PREX1: variants seen among roughly 807,000 people sequenced by gnomAD.
PREX1 encodes phosphatidylinositol-3,4,5-trisphosphate dependent Rac exchange factor 1, also known as phosphatidylinositol 3,4,5-trisphosphate-dependent Rac exchanger 1 protein.
A neutral mutation model predicts 198.3 loss-of-function variants in PREX1; 41 were observed. The ratio of observed to expected loss-of-function variants is 0.21; its 90% CI spans 0.16 to 0.27. The LOEUF is 0.27. PREX1 is among the 10% of genes least tolerant of loss of function. The pLI is 1.00. For synonymous variants in PREX1, 843 were observed against 887.2 expected, an observed-to-expected ratio of 0.95 and a Z score of 0.89; for missense variants, 1,620 against 2,200.7, an observed-to-expected ratio of 0.74 and a Z score of 5.28.
chr20:48,756,088 A>T lies in PREX1; in HGVS notation c.220-8208T>A, dbSNP rs1166637113. Among the ~76,000 whole-genome samples the T allele has an allele frequency of 2.6e-5, 4 of 152,282 alleles. No homozygotes were observed. In the East Asian group the frequency reaches 7.7e-4, roughly 29 times the overall value. On this transcript the variant is annotated intron_variant, in intron 1 of 39. Coordinates refer to ENST00000371941, the MANE Select transcript of PREX1 (RefSeq NM_020820.4). ...TGGGGAACAGAGCAGCGGCAAGGCA[A>T]ATATGAGATGGAAAGATTTACCTTC...
intron 15 of PREX1, among the ~76,000 whole-genome samples, chr20:48,661,626 A>T (rs2089597378): frequency 6.7e-6 from 1 of 149,266 alleles, no homozygotes; most frequent in South Asian, 2.1e-4. Flanking sequence ...ACCAGTATCA[A>T]CCAATTGGTG....
the PREX1 span, among the ~76,000 whole-genome samples, chr20:48,844,148 A>G: frequency 2.0e-5 from 3 of 151,974 alleles, no homozygotes; most frequent in African/African-American, 7.3e-5. Context: ...TCAAAAAAAA[A>G]TCTAGTAGCT....
intron 1 of PREX1, among the ~76,000 whole-genome samples, chr20:48,821,286 A>G (rs142092790): frequency 0.041 from 6,269 of 152,228 alleles, 162 homozygotes; most frequent in Non-Finnish European, 0.06. Context: ...CTTCCCAGGT[A>G]TCTGGGGATG....
chr20:48,673,058 G>A (rs780215251), intron 14 of PREX1, among the ~76,000 whole-genome samples: 3 of 151,562 alleles, frequency 2.0e-5, no homozygotes, highest in African/African-American at 4.9e-5. Context: ...TAATGAGCTC[G>A]CTTGTCTAAC....
intron 1 of PREX1, among the ~76,000 whole-genome samples, chr20:48,748,454 C>T (rs144177073): frequency 4.2e-4 from 63 of 151,732 alleles, no homozygotes; most frequent in Non-Finnish European, 7.7e-4. Flanking sequence ...CAAAAACAAA[C>T]ACACACACAT....
chr20:48,655,450 C>G lies in PREX1; in HGVS notation c.2124-75G>C, dbSNP rs977982434. On this transcript the variant is annotated intron_variant, in intron 18 of 39. Transcript: ENST00000371941. ...TCACTCTCAATAACCCCGGTGCCAACCCAGAGACTTTCTGCCTTGGAAACA... is the reference window on the plus strand; with the variant it reads ...TCACTCTCAATAACCCCGGTGCCAAGCCAGAGACTTTCTGCCTTGGAAACA... 5 of 1,250,622 alleles carry G rather than the reference C, an allele frequency of 4.0e-6. No homozygotes were observed. The African/African-American group carries it at 7.9e-5, about 20-fold the overall frequency. The allele number at this position is 1,250,622 out of a possible 1,614,324, so 77.5% of individuals were successfully genotyped here.
intron 1 of PREX1, among the ~76,000 whole-genome samples, chr20:48,767,662 G>A (rs926549430): frequency 6.6e-6 from 1 of 152,112 alleles, no homozygotes. Flanking sequence ...TACAGACCAC[G>A]CTGTACTTTC....
intron 1 of PREX1, among the ~76,000 whole-genome samples, chr20:48,826,239 C>CT (rs2090508053): frequency 6.6e-6 from 1 of 151,928 alleles, no homozygotes; most frequent in African/African-American, 2.4e-5. Context: ...AAAAGACTTC[C>CT]TAGAGCAGAG....
chr20:48,789,915 G>A (rs1426362376), intron 1 of PREX1, among the ~76,000 whole-genome samples: 1 of 152,026 alleles, frequency 6.6e-6, no homozygotes, highest in African/African-American at 2.4e-5. Context: ...AAAGAAGAAG[G>A]GAGAAAAAGA....
intron 23 of PREX1, 108 bp from the exon 24 acceptor site, chr20:48,650,314 T>C: frequency 9.4e-7 from 1 of 1,064,966 alleles, no homozygotes; most frequent in Non-Finnish European, 1.4e-6. Context: ...GCCCCACAGT[T>C]GGACAAAATG....
intron 36 of PREX1, 78 bp from the exon 37 acceptor site, chr20:48,629,699 C>T (rs565851000): frequency 6.9e-7 from 1 of 1,447,730 alleles, no homozygotes; most frequent in South Asian, 1.2e-5. Flanking sequence ...GCCCTCCTCC[C>T]CCACCATATC....
At chr20:48,743,878 C>A (rs742644) in intron 3 of PREX1, among the ~76,000 whole-genome samples, 70 of 152,080 alleles carry the variant, frequency 4.6e-4, no homozygotes, top group African/African-American at 1.6e-3. Flanking sequence ...GTAGTCTGCA[C>A]GCCTGATCGC....
chr20:48,827,304 G>A lies in PREX1; in HGVS notation c.219+338C>T, dbSNP rs573754570. Among the ~76,000 whole-genome samples the A allele has an allele frequency of 1.3e-5, 2 of 152,330 alleles. No individual in the cohort carries two copies. Among genetic ancestry groups the A allele is most frequent in the South Asian group, 2.1e-4 (1 of 4,824 alleles). ...AAAGACGCAGGAGCGCCAGCTCCCG[G>A]CGCCGCCGGGGTCCCCAAGCCCCTG... On this transcript the variant is annotated intron_variant, in intron 1 of 39. Coordinates refer to ENST00000371941, the MANE Select transcript of PREX1 (RefSeq NM_020820.4). This position sits in a 1 kb window ranked among gnomAD's most constrained non-coding sequence, Gnocchi z 4.1.
chr20:48,636,716 G>T (rs2089368254), intron 31 of PREX1, 33 bp from the exon 32 acceptor site: 1 of 1,545,812 alleles, frequency 6.5e-7, no homozygotes, highest in South Asian at 1.2e-5. Flanking sequence ...CTTGCTGGAG[G>T]GGCGCTCCCG....
intron 1 of PREX1, among the ~76,000 whole-genome samples, chr20:48,765,479 A>G (rs2090204061): frequency 6.6e-6 from 1 of 152,220 alleles, no homozygotes; most frequent in Non-Finnish European, 1.5e-5. Context: ...TAATGCCTGC[A>G]TTTCCAATGA....
At chr20:48,626,881 G>A (rs532786914) in intron 39 of PREX1, among the ~76,000 whole-genome samples, 1 of 152,324 alleles carries the variant, frequency 6.6e-6, no homozygotes, top group Non-Finnish European at 1.5e-5. Context: ...TAGGGCTGTG[G>A]AGATGGAGAG....
chr20:48,701,958 T>A (rs1038896940), intron 6 of PREX1, among the ~76,000 whole-genome samples: 4 of 152,130 alleles, frequency 2.6e-5, no homozygotes, highest in African/African-American at 9.7e-5. Context: ...GGTTCATGCC[T>A]GTAATCCTTT....
intron 1 of PREX1, among the ~76,000 whole-genome samples, chr20:48,749,966 A>G (rs2090127029): frequency 6.6e-6 from 1 of 151,038 alleles, no homozygotes; most frequent in Non-Finnish European, 1.5e-5. Context: ...TGAAACCCCC[A>G]GACTCTTATC....
Position 48,660,049 on chromosome 20 carries a change from C to A in PREX1, c.1751G>T (p.Ser584Ile), listed in dbSNP as rs753153560. 4.3e-6 allele frequency: 7 copies of A among 1,614,164 alleles called. No individual in the cohort carries two copies. In the South Asian group the frequency reaches 7.7e-5, roughly 18 times the overall value. The change falls in exon 16 of 40, where the codon AGC (serine) becomes ATC (isoleucine). Residue 584 changes from serine to isoleucine, a missense_variant. Coordinates refer to ENST00000371941, the MANE Select transcript of PREX1 (RefSeq NM_020820.4). The stretch of plus-strand genomic sequence containing the variant: ...GTACTGGGACTCATCCCTGAACTCG[C>A]TCTTCTCCAGCACTGCAGATCCACA... ...NGFMHHVLEK[S>I]EFRDESQYFR...
Sources: allele counts gnomAD v4.1 joint callset (sites outside exome capture counted in the v4.1 genomes callset), GRCh38; gene constraint gnomAD v4.1.1; non-coding constraint Gnocchi (gnomAD v3.1); transcripts MANE v1.5; gene names NCBI Gene and HGNC (gene_info 2026-07-23, HGNC 2026-07-21).